Variants in MTHFD1 observed in about 807,000 individuals in gnomAD.
MTHFD1 encodes C-1-tetrahydrofolate synthase, cytoplasmic.
MTHFD1 carries 44 observed loss-of-function variants against 110.3 expected under a neutral mutation model. That is an observed-to-expected ratio of 0.40 (90% CI 0.31 to 0.51). The LOEUF is 0.51. MTHFD1 is among the 20% of genes least tolerant of loss of function. MTHFD1 has a pLI of 0.60. For missense variants in MTHFD1, 909 were observed against 1,173.1 expected (o/e 0.77, Z 3.29); for synonymous variants, 402 against 428.8 (o/e 0.94, Z 0.77).
chr14:64,426,007 A>G lies in MTHFD1; in HGVS notation c.954-12A>G, dbSNP rs200604984. On this transcript the variant is annotated splice_polypyrimidine_tract_variant and intron_variant, in intron 10 of 27. Coordinates refer to ENST00000652337, the MANE Select transcript of MTHFD1 (RefSeq NM_005956.4). ...GGATAAACATTAATACCTATTTTCT[A>G]TGTTTCCAAAGTGACATTGATATAT... 2.0e-3 allele frequency: 3,177 copies of G among 1,613,396 alleles called. 5 individuals carry two copies. Among genetic ancestry groups the G allele is most frequent in the Middle Eastern group, 4.0e-3 (22 of 5,528 alleles).
chr14:64,418,520 T>C (rs1317820018), intron 7 of MTHFD1, among the ~76,000 whole-genome samples: 1 of 152,086 alleles, frequency 6.6e-6, no homozygotes, highest in Non-Finnish European at 1.5e-5. Context: ...TATACAGAGT[T>C]TGTTCTGTGT....
chr14:64,400,723 CT>C, intron 1 of MTHFD1, 69 bp from the exon 2 acceptor site: 1 of 967,978 alleles, frequency 1.0e-6, no homozygotes, highest in Non-Finnish European at 1.7e-6. Flanking sequence ...AGAAATACAT[CT>C]AATAATCTGC....
intron 8 of MTHFD1, chr14:64,422,992 G>A (rs1476086624): frequency 6.6e-6 from 1 of 152,118 alleles, no homozygotes; most frequent in African/African-American, 2.4e-5. Context: ...GTGGGAAAAC[G>A]AAAATGACTA....
chr14:64,415,688 T>A lies in MTHFD1; in HGVS notation c.427T>A (p.Cys143Ser), dbSNP rs967681060. Reference sequence around the variant, plus strand: ...ACTTGCTAGAGGTGACCTCAATGACTGTTTCATTCCTTGTACGCCTAAGGG... The same window carrying A: ...ACTTGCTAGAGGTGACCTCAATGACAGTTTCATTCCTTGTACGCCTAAGGG... ...GKLARGDLND[C>S]FIPCTPKGCL... Residue 143 changes from cysteine (C) to serine (S), a missense_variant, in exon 6 of 28, where the codon TGT becomes AGT. By Grantham distance (112) the Cys-to-Ser change is moderately radical. Transcript: ENST00000652337. 7.4e-6 allele frequency: 12 copies of A among 1,614,024 alleles called. No homozygotes were observed. The highest frequency in any genetic ancestry group is 1.0e-5 in the Non-Finnish European group (12 of 1,179,852).
intron 2 of MTHFD1, among the ~76,000 whole-genome samples, chr14:64,410,632 C>G (rs1437926702): frequency 6.6e-6 from 1 of 152,086 alleles, no homozygotes; most frequent in African/African-American, 2.4e-5. Context: ...GTCTGTGTGG[C>G]GGGGCCAGGG....
intron 3 of MTHFD1, among the ~76,000 whole-genome samples, chr14:64,412,000 A>G (rs1172897903): frequency 6.6e-6 from 1 of 152,180 alleles, no homozygotes; most frequent in East Asian, 1.9e-4. Context: ...CAGGGGAAAA[A>G]TCAGATATAC....
intron 15 of MTHFD1, among the ~76,000 whole-genome samples, chr14:64,433,759 G>A (rs1263212989): frequency 2.7e-5 from 4 of 148,112 alleles, no homozygotes; most frequent in Non-Finnish European, 4.4e-5. Flanking sequence ...GGCCAGGCGT[G>A]GTGGCTCATA....
chr14:64,408,063 C>T (rs1034408902), intron 2 of MTHFD1, among the ~76,000 whole-genome samples: 15 of 151,792 alleles, frequency 9.9e-5, no homozygotes, highest in African/African-American at 1.9e-4. Context: ...AACTGTGGCC[C>T]GTATCCAAAT....
intron 4 of MTHFD1, 109 bp downstream of exon 4, chr14:64,412,634 A>ATATT (rs2077993512): frequency 2.1e-6 from 1 of 480,420 alleles, no homozygotes; most frequent in Non-Finnish European, 3.6e-6. Flanking sequence ...ACCTCCAGGT[A>ATATT]TTTTTTTTTT....
intron 19 of MTHFD1, 121 bp downstream of exon 19, chr14:64,441,574 AG>A: frequency 1.2e-6 from 1 of 817,452 alleles, no homozygotes; most frequent in Non-Finnish European, 2.0e-6. Flanking sequence ...TGGGAGGCCA[AG>A]GTGGGCAGAT....
chr14:64,415,543 A>G, intron 5 of MTHFD1, 49 bp downstream of exon 5: 3 of 1,613,662 alleles, frequency 1.9e-6, no homozygotes, highest in Non-Finnish European at 2.5e-6. Flanking sequence ...TTCATTTATA[A>G]TATGTTTCTA....
At position 64,459,945 on chromosome 14, in the gene MTHFD1, A is replaced by G; in HGVS notation, c.*191A>G. ...TTCTCATCATGTATAAATTAACATA[A>G]ATCATGCATGTCTGTTTACTTTAGT... On this transcript the variant is annotated 3_prime_UTR_variant, in exon 28 of 28. Transcript: ENST00000652337. The G allele has an allele frequency of 1.3e-6, 2 of 1,529,828 alleles. No homozygotes were observed. Among genetic ancestry groups the G allele is most frequent in the Non-Finnish European group, 1.8e-6 (2 of 1,141,544 alleles). 94.8% of individuals were successfully genotyped at this position (1,529,828 alleles called of 1,614,324 possible). A position where few individuals can be genotyped will look rare whatever the true frequency, so the allele number is the denominator to read the frequency against.
intron 1 of MTHFD1, among the ~76,000 whole-genome samples, chr14:64,391,654 C>G (rs1268793419): frequency 6.6e-6 from 1 of 152,168 alleles, no homozygotes; most frequent in Non-Finnish European, 1.5e-5. Context: ...AAACTGGGTA[C>G]TTACATGATG....
intron 8 of MTHFD1, among the ~76,000 whole-genome samples, chr14:64,420,474 C>T (rs1279263742): frequency 6.6e-6 from 1 of 152,170 alleles, no homozygotes; most frequent in Non-Finnish European, 1.5e-5. Context: ...TATCACCATT[C>T]TTCCTTCCCG....
chr14:64,400,343 G>A (rs1401636737), intron 1 of MTHFD1, among the ~76,000 whole-genome samples: 6 of 150,340 alleles, frequency 4.0e-5, no homozygotes, highest in African/African-American at 7.4e-5. Flanking sequence ...AGCTGAGATC[G>A]CACCATTGCA....
At chr14:64,416,916 G>A (rs1219648898) in intron 6 of MTHFD1, among the ~76,000 whole-genome samples, 1 of 152,072 alleles carries the variant, frequency 6.6e-6, no homozygotes, top group Non-Finnish European at 1.5e-5. Flanking sequence ...AAAACTTTGA[G>A]GTCTTTACTT....
At chr14:64,405,454 G>T (rs1566556769) in intron 2 of MTHFD1, among the ~76,000 whole-genome samples, 1 of 152,134 alleles carries the variant, frequency 6.6e-6, no homozygotes, top group South Asian at 2.1e-4. Context: ...GTGATACAAG[G>T]TTTATATAAT....
intron 1 of MTHFD1, among the ~76,000 whole-genome samples, chr14:64,393,464 A>G (rs1368226185): frequency 6.6e-6 from 1 of 152,044 alleles, no homozygotes; most frequent in Admixed American, 6.6e-5. Flanking sequence ...AGGTTGCTCA[A>G]AAGTTACATG....
At position 64,425,813 on chromosome 14, in the gene MTHFD1, G is replaced by C. The variant is rs763959669; in HGVS notation, c.939G>C (p.Lys313Asn). 1.2e-5 allele frequency: 20 copies of C among 1,613,648 alleles called. No homozygotes were observed. The highest frequency in any genetic ancestry group is 6.7e-5 in the Admixed American group (4 of 59,980). The stretch of plus-strand genomic sequence containing the variant: ...TTCAGTATAACAACCTTAACCTCAA[G>C]ACACCTGTTCCAAGGTAAAAATAAA... ...WMIQYNNLNL[K>N]TPVPSDIDIS... Residue 313 changes from lysine to asparagine, a missense_variant, in exon 10 of 28, where the codon AAG becomes AAC. Lys to Asn is a moderately conservative substitution (Grantham distance 94). Around this residue, in one of 3 missense-constraint regions of MTHFD1, gnomAD observed 424 missense variants for 510.4 expected, o/e 0.83. Coordinates refer to ENST00000652337, the MANE Select transcript of MTHFD1 (RefSeq NM_005956.4).
Sources: allele counts gnomAD v4.1 joint callset (sites outside exome capture counted in the v4.1 genomes callset), GRCh38; gene constraint gnomAD v4.1.1; regional missense constraint gnomAD v4.1.1; transcripts MANE v1.5; gene names NCBI Gene and HGNC (gene_info 2026-07-23, HGNC 2026-07-21).